Variants in JAK1 observed in about 807,000 individuals in gnomAD.
JAK1 encodes Janus kinase 1.
A neutral mutation model predicts 136.6 loss-of-function variants in JAK1; 16 were observed. That is an observed-to-expected ratio of 0.12 (90% CI 0.08 to 0.18). The LOEUF (loss-of-function observed/expected upper bound fraction) is 0.18, where lower values mean the gene tolerates loss of function less well. Among genes scored for constraint, JAK1 ranks in the 10% least tolerant of loss-of-function variants. JAK1 has a pLI of 1.00. For synonymous variants in JAK1, 492 were observed against 519.5 expected (o/e 0.95, Z 0.72); for missense variants, 859 against 1,450.1 (o/e 0.59, Z 6.62).
At chr1:65,011,352 A>G (rs1177848181) in intron 2 of JAK1, among the ~76,000 whole-genome samples, 1 of 151,426 alleles carries the variant, frequency 6.6e-6, no homozygotes, top group Non-Finnish European at 1.5e-5. Context: ...AGTGCATGCC[A>G]ATAGTCCCAG....
At chr1:64,853,377 G>GA (rs1436686209) in intron 11 of JAK1, among the ~76,000 whole-genome samples, 1 of 152,178 alleles carries the variant, frequency 6.6e-6, no homozygotes, top group Non-Finnish European at 1.5e-5. Flanking sequence ...GGTACAGAAG[G>GA]AATCACTGGA....
chr1:64,988,882 CT>C (rs1557745285), intron 2 of JAK1, among the ~76,000 whole-genome samples: 1 of 149,308 alleles, frequency 6.7e-6, no homozygotes, highest in Non-Finnish European at 1.5e-5. Context: ...GAGTGAGCCC[CT>C]AACTAAAATA....
At chr1:64,859,941 G>C (rs1570652519) in intron 9 of JAK1, 164 bp downstream of exon 9, 2 of 475,104 alleles carry the variant, frequency 4.2e-6, no homozygotes, top group East Asian at 3.3e-5. Flanking sequence ...GGAGATTACA[G>C]GAAGGCCTGA....
intron 2 of JAK1, among the ~76,000 whole-genome samples, chr1:65,031,219 G>A (rs1180291293): frequency 6.7e-6 from 1 of 149,698 alleles, no homozygotes; most frequent in Non-Finnish European, 1.5e-5. Context: ...GGTGGATACC[G>A]CCTTAACCAG....
chr1:64,941,433 A>G (rs1018454978), intron 1 of JAK1, among the ~76,000 whole-genome samples: 1 of 152,200 alleles, frequency 6.6e-6, no homozygotes, highest in African/African-American at 2.4e-5. Flanking sequence ...TATTATTCTG[A>G]TAATTATCAG....
At chr1:64,838,149 T>C in intron 21 of JAK1, 45 bp from the exon 22 acceptor site, 1 of 1,533,262 alleles carries the variant, frequency 6.5e-7, no homozygotes, top group Non-Finnish European at 8.9e-7. Flanking sequence ...AAAGTCACTT[T>C]AGATTGTATT....
At chr1:65,059,482 T>C (rs1430865437) in intron 1 of JAK1, among the ~76,000 whole-genome samples, 3 of 152,216 alleles carry the variant, frequency 2.0e-5, no homozygotes, top group African/African-American at 7.2e-5. Flanking sequence ...AACATTGATA[T>C]TTTTCACTAT....
intron 2 of JAK1, among the ~76,000 whole-genome samples, chr1:64,980,446 C>G (rs1471955874): frequency 6.6e-6 from 1 of 151,992 alleles, no homozygotes; most frequent in Non-Finnish European, 1.5e-5. Context: ...CCTCCTTTTG[C>G]CCTCGCGTTC....
At chr1:64,910,394 G>C (rs866379093) in intron 1 of JAK1, among the ~76,000 whole-genome samples, 2 of 152,262 alleles carry the variant, frequency 1.3e-5, no homozygotes, top group Middle Eastern at 3.4e-3. Context: ...TGTCAAAAAA[G>C]GGAAAAGAAA....
intron 1 of JAK1, among the ~76,000 whole-genome samples, chr1:65,056,660 A>T (rs1004544177): frequency 3.9e-5 from 6 of 152,152 alleles, no homozygotes; most frequent in African/African-American, 1.4e-4. Context: ...CAGTGGCTCA[A>T]TGCCTGTAAT....
chr1:64,996,113 A>G (rs1005297440), intron 2 of JAK1, among the ~76,000 whole-genome samples: 2 of 152,178 alleles, frequency 1.3e-5, no homozygotes, highest in African/African-American at 2.4e-5. Context: ...GTCACAAAAC[A>G]TAATGCTTGG....
At chr1:64,859,107 A>C (rs1388869503) in intron 9 of JAK1, among the ~76,000 whole-genome samples, 1 of 152,250 alleles carries the variant, frequency 6.6e-6, no homozygotes, top group African/African-American at 2.4e-5. Context: ...GGCCAGGGCC[A>C]TGTGACTACT....
intron 1 of JAK1, among the ~76,000 whole-genome samples, chr1:64,932,931 C>T (rs1029063951): frequency 1.3e-5 from 2 of 151,732 alleles, no homozygotes; most frequent in Admixed American, 1.3e-4. Flanking sequence ...GTTTTTTCTC[C>T]CAGTTAGAAT....
intron 1 of JAK1, among the ~76,000 whole-genome samples, chr1:65,064,958 G>A (rs1379000725): frequency 6.6e-6 from 1 of 152,126 alleles, no homozygotes; most frequent in Non-Finnish European, 1.5e-5. Flanking sequence ...AACTCTAGAG[G>A]AAAGCTTTTC....
chr1:64,995,392 A>C (rs909340773), intron 2 of JAK1, among the ~76,000 whole-genome samples: 6 of 152,204 alleles, frequency 3.9e-5, no homozygotes, highest in African/African-American at 1.4e-4. Flanking sequence ...ACGCCACTGA[A>C]TGCCCTAAAC....
chr1:65,053,047 A>G (rs1473114673), intron 1 of JAK1, among the ~76,000 whole-genome samples: 3 of 149,048 alleles, frequency 2.0e-5, no homozygotes, highest in Admixed American at 6.7e-5. Context: ...AAAAAAAAAA[A>G]AAAAAAAAAG....
At chr1:64,839,552 C>T (rs761492360) in intron 20 of JAK1, 51 bp downstream of exon 20, 4 of 1,563,768 alleles carry the variant, frequency 2.6e-6, no homozygotes, top group East Asian at 2.2e-5. Flanking sequence ...CCTTTATGAC[C>T]CTAGACAGTC....
intron 4 of JAK1, among the ~76,000 whole-genome samples, chr1:64,875,310 C>T (rs1034739265): frequency 4.6e-5 from 7 of 152,178 alleles, no homozygotes; most frequent in Admixed American, 3.3e-4. Flanking sequence ...GAGCAAAGAA[C>T]GAAAGCCAGG....
At chr1:64,873,652 C>T in intron 4 of JAK1, 129 bp from the exon 5 acceptor site, 1 of 899,140 alleles carries the variant, frequency 1.1e-6, no homozygotes, top group Non-Finnish European at 1.7e-6. Context: ...ACAACCCTGC[C>T]CCTTGTAGCC....
Sources: gnomAD v4.1 joint callset for allele counts (sites outside exome capture counted in the v4.1 genomes callset) on GRCh38, gnomAD v4.1.1 for gene constraint, MANE v1.5 for transcripts, NCBI Gene and HGNC (gene_info 2026-07-23, HGNC 2026-07-21) for gene names.